SPATA6: variants seen among roughly 807,000 people sequenced by gnomAD.
SPATA6 encodes spermatogenesis-associated protein 6.
A neutral mutation model predicts 65.3 loss-of-function variants in SPATA6; 56 were observed. The ratio of observed to expected loss-of-function variants is 0.86; its 90% CI spans 0.69 to 1.07. SPATA6 has a LOEUF of 1.07. SPATA6 is among the 50% of genes least tolerant of loss of function. The probability of loss-of-function intolerance (pLI) is 0.00; values close to 1 mark genes in which losing one functional copy is unlikely to be tolerated. For missense variants in SPATA6, 590 were observed against 594.8 expected (o/e 0.99, Z 0.08); for synonymous variants, 199 against 213.2 (o/e 0.93, Z 0.58).
intron 11 of SPATA6, among the ~76,000 whole-genome samples, chr1:48,307,585 A>G (rs1005271764): frequency 6.6e-6 from 1 of 151,272 alleles, no homozygotes; most frequent in Non-Finnish European, 1.5e-5. Flanking sequence ...CACATCTTGT[A>G]ATTTTGTGTA....
At chr1:48,461,624 C>T (rs1159090079) in intron 1 of SPATA6, among the ~76,000 whole-genome samples, 2 of 152,134 alleles carry the variant, frequency 1.3e-5, no homozygotes, top group East Asian at 3.9e-4. Flanking sequence ...CAGAGAAATG[C>T]AAATCAAAAC....
intron 9 of SPATA6, among the ~76,000 whole-genome samples, chr1:48,365,127 C>T (rs902611900): frequency 1.3e-5 from 2 of 152,140 alleles, no homozygotes; most frequent in Non-Finnish European, 2.9e-5. Flanking sequence ...GTCATTATTT[C>T]TGAGGGCTCT....
At chr1:48,406,236 AC>A (rs1268670205) in intron 5 of SPATA6, among the ~76,000 whole-genome samples, 2 of 152,080 alleles carry the variant, frequency 1.3e-5, no homozygotes, top group Non-Finnish European at 2.9e-5. Flanking sequence ...CAAAAACAAA[AC>A]AAAACAAAAG....
intron 1 of SPATA6, among the ~76,000 whole-genome samples, chr1:48,455,249 G>A (rs1656908380): frequency 6.6e-6 from 1 of 152,048 alleles, no homozygotes. Flanking sequence ...TATGAAATGG[G>A]TTTTTAAGAC....
At chr1:48,390,411 T>C (rs1649928597) in intron 8 of SPATA6, among the ~76,000 whole-genome samples, 1 of 152,104 alleles carries the variant, frequency 6.6e-6, no homozygotes, top group African/African-American at 2.4e-5. Flanking sequence ...CTGGGAAGGA[T>C]GGGTTGGTAG....
chr1:48,324,564 A>G (rs1301645461), intron 11 of SPATA6, among the ~76,000 whole-genome samples: 2 of 152,238 alleles, frequency 1.3e-5, no homozygotes, highest in Non-Finnish European at 2.9e-5. Context: ...AATGTGATAC[A>G]TCGTATCAAC....
At chr1:48,277,099 CTT>C in the SPATA6 span, among the ~76,000 whole-genome samples, 4 of 126,400 alleles carry the variant, frequency 3.2e-5, no homozygotes, top group Non-Finnish European at 3.4e-5. Context: ...TTGTTTTTTG[CTT>C]TTTTTTTTTT....
rs536132997 is a variant in SPATA6 at position 48,326,157 on chromosome 1, A to C, written c.1195-20279T>G. 4.6e-5 allele frequency: 7 copies of C among 153,452 alleles called. No homozygotes were observed. The East Asian group carries it at 1.1e-3, about 25-fold the overall frequency. 9.5% of individuals were successfully genotyped at this position (153,452 alleles called of 1,614,324 possible). A position where few individuals can be genotyped will look rare whatever the true frequency, so the allele number is the denominator to read the frequency against. On this transcript the variant is annotated intron_variant, in intron 11 of 12. Coordinates refer to ENST00000371847, the MANE Select transcript of SPATA6 (RefSeq NM_019073.4). ...TTCCCCTCCCATTTGGTAGGCCCAA[A>C]GGAAAAAATTAAAAATTAATCAGTG...
rs201828196 is a variant in SPATA6, at chr1:48,411,842, TTTTG to T, written c.281-258_281-255del. Reference sequence around the variant, plus strand: ...TGTCAGTTACCATCTCCACATTGGTTTTTGTTTGTTTGTTTTTGAGACAGACTTT... The same window carrying T: ...TGTCAGTTACCATCTCCACATTGGTTTTTGTTTGTTTTTGAGACAGACTTT... On this transcript the variant is annotated intron_variant, in intron 4 of 12. Coordinates refer to ENST00000371847, the MANE Select transcript of SPATA6 (RefSeq NM_019073.4). Among the ~76,000 whole-genome samples, 1,009 of 152,184 alleles carry T rather than the reference TTTTG, an allele frequency of 6.6e-3. 10 individuals are homozygous for T. The highest frequency in any genetic ancestry group is 0.023 in the African/African-American group (947 of 41,528).
chr1:48,278,594 G>A, the SPATA6 span, among the ~76,000 whole-genome samples: 1 of 152,096 alleles, frequency 6.6e-6, no homozygotes, highest in African/African-American at 2.4e-5. Context: ...GATGGAAGAC[G>A]AAATGAATGA....
chr1:48,283,566 C>T, the SPATA6 span, among the ~76,000 whole-genome samples: 1 of 149,134 alleles, frequency 6.7e-6, no homozygotes, highest in African/African-American at 2.5e-5. Context: ...GTAATCCCAG[C>T]TACTCAGGAG....
chr1:48,332,958 C>T (rs772584449), intron 11 of SPATA6, among the ~76,000 whole-genome samples: 16 of 152,120 alleles, frequency 1.1e-4, no homozygotes, highest in Non-Finnish European at 2.2e-4. Context: ...AATTAAACAA[C>T]CTGCTCCAGA....
intron 11 of SPATA6, among the ~76,000 whole-genome samples, chr1:48,314,973 C>T (rs1645360974): frequency 6.6e-6 from 1 of 152,038 alleles, no homozygotes; most frequent in Non-Finnish European, 1.5e-5. Context: ...ACACATACAC[C>T]CTCCCAAGAC....
At chr1:48,284,049 G>A in the SPATA6 span, among the ~76,000 whole-genome samples, 2 of 151,926 alleles carry the variant, frequency 1.3e-5, no homozygotes, top group Non-Finnish European at 2.9e-5. Flanking sequence ...CATTCTCCCT[G>A]TCACTTTCAG....
At chr1:48,315,079 C>T (rs1007923809) in intron 11 of SPATA6, among the ~76,000 whole-genome samples, 1 of 152,094 alleles carries the variant, frequency 6.6e-6, no homozygotes, top group Non-Finnish European at 1.5e-5. Flanking sequence ...AAGCCCAGGA[C>T]CAGACGGATT....
chr1:48,446,908 G>T (rs1023900909), intron 3 of SPATA6, among the ~76,000 whole-genome samples: 2 of 151,828 alleles, frequency 1.3e-5, no homozygotes, highest in African/African-American at 4.8e-5. Flanking sequence ...AACTGCATAG[G>T]TCCATTTATA....
chr1:48,284,025 T>A, the SPATA6 span, among the ~76,000 whole-genome samples: 2 of 152,146 alleles, frequency 1.3e-5, no homozygotes, highest in Admixed American at 1.3e-4. Flanking sequence ...GAAGAGTGTT[T>A]TTCAACTTGG....
intron 4 of SPATA6, among the ~76,000 whole-genome samples, chr1:48,411,948 C>A (rs1220260685): frequency 2.0e-5 from 3 of 152,008 alleles, no homozygotes; most frequent in Non-Finnish European, 4.4e-5. Flanking sequence ...ACTGCAACCT[C>A]CACCCCACCC....
intron 1 of SPATA6, among the ~76,000 whole-genome samples, chr1:48,461,189 GT>G (rs1338932007): frequency 2.0e-5 from 3 of 151,966 alleles, no homozygotes; most frequent in Non-Finnish European, 4.4e-5. Context: ...GGGGTTGTTT[GT>G]TTTTTTCTTG....
Sources: gnomAD v4.1 joint callset for allele counts (sites outside exome capture counted in the v4.1 genomes callset) on GRCh38, gnomAD v4.1.1 for gene constraint, MANE v1.5 for transcripts, NCBI Gene and HGNC (gene_info 2026-07-23, HGNC 2026-07-21) for gene names.